The following NELL1 variants were observed in gnomAD, a reference collection of about 807,000 sequenced individuals.
NELL1 encodes the protein protein kinase C-binding protein NELL1.
NELL1 carries 76 observed loss-of-function variants against 107.4 expected under a neutral mutation model. That is an observed-to-expected ratio of 0.71 (90% CI 0.59 to 0.86). The LOEUF is 0.86. Among genes scored for constraint, NELL1 ranks in the 40% least tolerant of loss-of-function variants. The pLI is 0.00. For synonymous variants in NELL1, 353 were observed against 341.2 expected (o/e 1.03, Z -0.38); for missense variants, 1,024 against 1,005.5 (o/e 1.02, Z -0.25).
chr11:21,064,884 A>G (rs1454105593), intron 12 of NELL1, among the ~76,000 whole-genome samples: 3 of 152,212 alleles, frequency 2.0e-5, no homozygotes, highest in Non-Finnish European at 2.9e-5. Context: ...CATTTAATTC[A>G]CAAATCACTT....
intron 13 of NELL1, among the ~76,000 whole-genome samples, chr11:21,132,535 C>G (rs1590666029): frequency 6.6e-6 from 1 of 152,144 alleles, no homozygotes; most frequent in Non-Finnish European, 1.5e-5. Flanking sequence ...TTTGGTGGGG[C>G]AAGCAGCTGC....
At chr11:21,067,980 C>CCGAGAT (rs1853916564) in intron 12 of NELL1, among the ~76,000 whole-genome samples, 1 of 125,086 alleles carries the variant, frequency 8.0e-6, no homozygotes, top group South Asian at 2.5e-4. Context: ...TTGTAGTGAG[C>CCGAGAT]CGAGATTGCA....
Position 21,075,050 on chromosome 11 carries a change from C to T in NELL1, c.1301-38539C>T, listed in dbSNP as rs536843577. Among the ~76,000 whole-genome samples, 6 of 152,248 alleles carry T rather than the reference C, an allele frequency of 3.9e-5. No homozygotes were observed. In the East Asian group the frequency reaches 1.2e-3, roughly 29 times the overall value. ...CTAGATGGATAGTGACACCTGTGGG[C>T]TCACTTCCCTCTTTCCTGTGTAGGG... is the stretch of plus-strand genomic sequence containing the variant. On this transcript the variant is annotated intron_variant, in intron 12 of 19. Transcript: ENST00000357134.
intron 15 of NELL1, among the ~76,000 whole-genome samples, chr11:21,384,431 C>CTT (rs60693487): frequency 2.7e-5 from 4 of 148,648 alleles, no homozygotes; most frequent in East Asian, 4.0e-4. Flanking sequence ...TCTTGATTTT[C>CTT]TTTTTTTTTT....
intron 14 of NELL1, among the ~76,000 whole-genome samples, chr11:21,287,869 A>G (rs1849159623): frequency 6.6e-6 from 1 of 151,744 alleles, no homozygotes; most frequent in South Asian, 2.1e-4. Flanking sequence ...TCCCTCGTTA[A>G]CTTTACTGTA....
At chr11:20,884,364 C>T (rs1849465752) in intron 4 of NELL1, among the ~76,000 whole-genome samples, 1 of 152,202 alleles carries the variant, frequency 6.6e-6, no homozygotes, top group South Asian at 2.1e-4. Context: ...CTGTCCGTAC[C>T]TCTGGACACA....
chr11:20,983,755 T>G (rs895236146), intron 12 of NELL1, among the ~76,000 whole-genome samples: 2 of 151,542 alleles, frequency 1.3e-5, no homozygotes, highest in African/African-American at 4.9e-5. Context: ...TCTCTTTAAT[T>G]GGTTTTGGAT....
intron 2 of NELL1, among the ~76,000 whole-genome samples, chr11:20,721,234 T>TTATATA (rs140608526): frequency 0.59 from 82,457 of 138,646 alleles, 27,770 homozygotes; most frequent in East Asian, 0.83. Context: ...TATATTTTGT[T>TTATATA]TATATATATA....
chr11:20,700,613 C>T (rs956487295), intron 2 of NELL1, among the ~76,000 whole-genome samples: 2 of 152,014 alleles, frequency 1.3e-5, no homozygotes, highest in Non-Finnish European at 2.9e-5. Context: ...CACCCATTAA[C>T]TCGTCATTTA....
intron 12 of NELL1, among the ~76,000 whole-genome samples, chr11:21,033,396 C>A (rs567446664): frequency 1.3e-5 from 2 of 152,264 alleles, no homozygotes; most frequent in South Asian, 4.1e-4. Flanking sequence ...CCACCCTCCA[C>A]CTCCAAGTAG....
intron 15 of NELL1, among the ~76,000 whole-genome samples, chr11:21,526,357 A>G (rs77866011): frequency 0.024 from 3,650 of 152,270 alleles, 76 homozygotes; most frequent in East Asian, 0.077. Flanking sequence ...CCTCTCCACT[A>G]GCTGCTTTCA....
intron 3 of NELL1, among the ~76,000 whole-genome samples, chr11:20,790,643 T>C (rs1857055066): frequency 6.6e-6 from 1 of 152,060 alleles, no homozygotes; most frequent in Non-Finnish European, 1.5e-5. Flanking sequence ...CCCAGCGAGG[T>C]AGGACTCCTA....
intron 2 of NELL1, among the ~76,000 whole-genome samples, chr11:20,708,174 T>C (rs1855020350): frequency 6.6e-6 from 1 of 152,246 alleles, no homozygotes; most frequent in African/African-American, 2.4e-5. Flanking sequence ...CCTAATGTGC[T>C]TCTTGCTAAG....
chr11:20,817,477 T>C (rs1857648616), intron 3 of NELL1, among the ~76,000 whole-genome samples: 1 of 152,104 alleles, frequency 6.6e-6, no homozygotes, highest in South Asian at 2.1e-4. Flanking sequence ...TGATATCAGT[T>C]GTTATGTCAC....
intron 12 of NELL1, among the ~76,000 whole-genome samples, chr11:21,020,392 G>C (rs1382598794): frequency 6.6e-6 from 1 of 152,052 alleles, no homozygotes; most frequent in Non-Finnish European, 1.5e-5. Context: ...AAGTAAATTT[G>C]TTACTATATA....
intron 14 of NELL1, among the ~76,000 whole-genome samples, chr11:21,252,839 C>A (rs1858675079): frequency 6.6e-6 from 1 of 152,126 alleles, no homozygotes; most frequent in Non-Finnish European, 1.5e-5. Flanking sequence ...TCTTCGAAGG[C>A]AGCTTTCTAT....
intron 15 of NELL1, among the ~76,000 whole-genome samples, chr11:21,525,002 A>G (rs1477671869): frequency 6.6e-6 from 1 of 152,212 alleles, no homozygotes. Context: ...GCAAATCCAT[A>G]GGCAATAGTA....
intron 11 of NELL1, among the ~76,000 whole-genome samples, chr11:20,949,861 A>G (rs948440674): frequency 6.6e-5 from 10 of 152,214 alleles, no homozygotes; most frequent in Admixed American, 3.9e-4. Flanking sequence ...GGGCCCGTCT[A>G]TGAAATCAAG....
At chr11:21,337,785 TTTCTTTCTTTCC>T (rs1386279194) in intron 14 of NELL1, among the ~76,000 whole-genome samples, 2 of 140,198 alleles carry the variant, frequency 1.4e-5, no homozygotes, top group East Asian at 2.2e-4. Flanking sequence ...TCTTTCTTTC[TTTCTTTCTTTCC>T]TTCTTTCTTT....
Sources: allele counts gnomAD v4.1 joint callset (sites outside exome capture counted in the v4.1 genomes callset), GRCh38; gene constraint gnomAD v4.1.1; transcripts MANE v1.5; gene names NCBI Gene and HGNC (gene_info 2026-07-23, HGNC 2026-07-21).